RTN4IP1: variants seen among roughly 807,000 people sequenced by gnomAD.
RTN4IP1 encodes the protein reticulon 4 interacting protein 1, also known as NAD(P)H oxidoreductase RTN4IP1, mitochondrial.
RTN4IP1 carries 32 observed loss-of-function variants against 46.6 expected under a neutral mutation model. That is an observed-to-expected ratio of 0.69 (90% CI 0.52 to 0.92). RTN4IP1 has a LOEUF of 0.92. Ranked by LOEUF, RTN4IP1 falls within the 40% of genes least tolerant of loss-of-function variation. The pLI, the probability that RTN4IP1 is intolerant of heterozygous loss-of-function variation, is 0.00. For missense variants in RTN4IP1, 424 were observed against 485.8 expected (o/e 0.87, Z 1.20); for synonymous variants, 167 against 161.8 (o/e 1.03, Z -0.24).
At chr6:106,594,579 C>A (rs6905519) in intron 5 of RTN4IP1, among the ~76,000 whole-genome samples, 136,631 of 152,126 alleles carry the variant, frequency 0.9, 62,576 homozygotes, top group Non-Finnish European at 1. Flanking sequence ...CCAGATAAAG[C>A]AGCAGCACAC....
intron 1 of RTN4IP1, among the ~76,000 whole-genome samples, chr6:106,627,166 G>A (rs1045999678): frequency 5.3e-5 from 8 of 149,758 alleles, no homozygotes; most frequent in South Asian, 4.2e-4. Flanking sequence ...GATAACTTGC[G>A]AATAATATTA....
chr6:106,583,042 T>C (rs1200668069), intron 8 of RTN4IP1, among the ~76,000 whole-genome samples: 3 of 152,168 alleles, frequency 2.0e-5, no homozygotes, highest in Non-Finnish European at 4.4e-5. Flanking sequence ...CCAAGTGTCT[T>C]TGGGGGAATC....
chr6:106,627,226 G>C (rs1168553915), intron 1 of RTN4IP1, among the ~76,000 whole-genome samples: 1 of 150,924 alleles, frequency 6.6e-6, no homozygotes, highest in African/African-American at 2.4e-5. Flanking sequence ...CTATATAAAA[G>C]TAAAATGTTT....
chr6:106,607,811 C>T (rs1225110600), intron 4 of RTN4IP1: 5 of 150,046 alleles, frequency 3.3e-5, no homozygotes, highest in Non-Finnish European at 7.4e-5. Flanking sequence ...TGAAGTGTTC[C>T]ATATAGAAAA....
intron 6 of RTN4IP1, among the ~76,000 whole-genome samples, chr6:106,589,186 A>G (rs1582866063): frequency 8.9e-5 from 1 of 11,198 alleles, no homozygotes. Context: ...GAGGAGGAGG[A>G]GGGAGGAGGA....
chr6:106,622,007 G>A (rs1776497013), intron 2 of RTN4IP1, among the ~76,000 whole-genome samples: 1 of 151,892 alleles, frequency 6.6e-6, no homozygotes, highest in African/African-American at 2.4e-5. Context: ...CATCCATAAG[G>A]CAGAAATTGT....
At chr6:106,584,988 C>T (rs1203697329) in intron 7 of RTN4IP1, among the ~76,000 whole-genome samples, 1 of 152,220 alleles carries the variant, frequency 6.6e-6, no homozygotes, top group East Asian at 1.9e-4. Context: ...ATTGACTCCC[C>T]TTAGCCCTCA....
chr6:106,594,585 C>T lies in RTN4IP1; in HGVS notation c.670-2285G>A, dbSNP rs1245929025. 2.0e-5 allele frequency among the ~76,000 whole-genome samples: 3 copies of T among 152,050 alleles called. No individual in the cohort carries two copies. In the East Asian group the frequency reaches 5.8e-4, roughly 29 times the overall value. ...GAACACCACCCAGATAAAGCAGCAG[C>T]ACACTGGAAGCTATGCCAAAAATTC... On this transcript the variant is annotated intron_variant, in intron 5 of 8. Transcript: ENST00000369063.
chr6:106,615,158 A>G (rs1776317835), intron 4 of RTN4IP1, among the ~76,000 whole-genome samples: 1 of 152,128 alleles, frequency 6.6e-6, no homozygotes, highest in Non-Finnish European at 1.5e-5. Flanking sequence ...GGTGCAAATG[A>G]AAACTTAAAG....
intron 5 of RTN4IP1, among the ~76,000 whole-genome samples, chr6:106,598,553 T>G (rs1308753103): frequency 6.6e-6 from 1 of 151,670 alleles, no homozygotes; most frequent in Non-Finnish European, 1.5e-5. Context: ...GTTTGTTTTT[T>G]CCTTGTAAAT....
chr6:106,590,259 G>A (rs1442737813), intron 6 of RTN4IP1, among the ~76,000 whole-genome samples: 1 of 152,182 alleles, frequency 6.6e-6, no homozygotes, highest in African/African-American at 2.4e-5. Context: ...GGCAGAGGTT[G>A]TGCCAAGATC....
At chr6:106,596,103 T>C (rs1002335293) in intron 5 of RTN4IP1, among the ~76,000 whole-genome samples, 2 of 152,236 alleles carry the variant, frequency 1.3e-5, no homozygotes, top group African/African-American at 4.8e-5. Context: ...CTCTTGAGTC[T>C]TTTGACATGA....
chr6:106,578,912 TTC>T (rs1400442032), intron 8 of RTN4IP1, among the ~76,000 whole-genome samples: 2 of 141,944 alleles, frequency 1.4e-5, no homozygotes, highest in Non-Finnish European at 3.1e-5. Context: ...CTTCTTCTTC[TTC>T]TTTTTTTTTT....
chr6:106,626,819 A>C (rs937135583), intron 1 of RTN4IP1, among the ~76,000 whole-genome samples: 4 of 152,208 alleles, frequency 2.6e-5, no homozygotes, highest in Non-Finnish European at 4.4e-5. Context: ...TAAATCTGTC[A>C]TCAGTTTAAA....
chr6:106,599,448 T>C lies in RTN4IP1; in HGVS notation c.669+3426A>G, dbSNP rs570054705. Among the ~76,000 whole-genome samples, 930 of 95,536 alleles carry C rather than the reference T, an allele frequency of 9.7e-3. 7 individuals carry two copies. Among genetic ancestry groups the C allele is most frequent in the Middle Eastern group, 0.019 (3 of 162 alleles). The allele number at this position is 95,536 out of a possible 152,430, so 62.7% of individuals were successfully genotyped here. A position where few individuals can be genotyped will look rare whatever the true frequency, so the allele number is the denominator to read the frequency against. On this transcript the variant is annotated intron_variant, in intron 5 of 8. Transcript: ENST00000369063. ...AACTGGACCTTTAGTGTAACCCTTT[T>C]TGCTTTTTTTTTTTTTTAAGAAGTT...
intron 4 of RTN4IP1, among the ~76,000 whole-genome samples, chr6:106,610,097 C>T (rs910794684): frequency 7.9e-5 from 12 of 151,912 alleles, no homozygotes; most frequent in Non-Finnish European, 1.3e-4. Flanking sequence ...AGTCTCACTC[C>T]GTCGCCCAGG....
intron 8 of RTN4IP1, among the ~76,000 whole-genome samples, chr6:106,581,670 T>A (rs1172841613): frequency 6.6e-6 from 1 of 152,218 alleles, no homozygotes; most frequent in Non-Finnish European, 1.5e-5. Flanking sequence ...TTCAAGGACA[T>A]CTTTTTTTGT....
At chr6:106,575,591 A>G (rs996688383) in intron 8 of RTN4IP1, among the ~76,000 whole-genome samples, 31 of 152,216 alleles carry the variant, frequency 2.0e-4, no homozygotes, top group African/African-American at 6.8e-4. Context: ...AAGAGCATGA[A>G]GCTGCTGGTG....
intron 4 of RTN4IP1, among the ~76,000 whole-genome samples, chr6:106,603,210 T>C (rs1174374982): frequency 1.3e-5 from 2 of 152,228 alleles, no homozygotes; most frequent in African/African-American, 4.8e-5. Context: ...CTTTGTAATA[T>C]CTGCCTTATA....
Sources: gnomAD v4.1 joint callset for allele counts (sites outside exome capture counted in the v4.1 genomes callset) on GRCh38, gnomAD v4.1.1 for gene constraint, MANE v1.5 for transcripts, NCBI Gene and HGNC (gene_info 2026-07-23, HGNC 2026-07-21) for gene names.